The following MSH3 variants were observed in gnomAD, a reference collection of about 807,000 sequenced individuals.
The protein encoded by MSH3 is mutS homolog 3, also known as DNA mismatch repair protein Msh3.
A neutral mutation model predicts 123.3 loss-of-function variants in MSH3; 106 were observed. The observed-to-expected ratio is 0.86, with a 90% CI of 0.73 to 1.01. MSH3 has a LOEUF of 1.01. MSH3 is among the 50% of genes least tolerant of loss of function. MSH3 has a pLI of 0.00. For synonymous variants in MSH3, 515 were observed against 481.4 expected (o/e 1.07, Z -0.91); for missense variants, 1,459 against 1,347.6 (o/e 1.08, Z -1.29).
chr5:80,774,086 T>C (rs1744258998), intron 15 of MSH3, among the ~76,000 whole-genome samples: 1 of 152,044 alleles, frequency 6.6e-6, no homozygotes, highest in Admixed American at 6.6e-5. Flanking sequence ...GTTGCAATAA[T>C]ACAGAAATGC....
In MSH3 at chr5:80,851,777, A is replaced by G. The variant is rs547020270; in HGVS notation, c.2814-2353A>G. ...ATGTTGGAATATGGCTTATATAGGG[A>G]CACATCTTTGTTTTTTCTGAAATAA... is the stretch of plus-strand genomic sequence containing the variant. On this transcript the variant is annotated intron_variant, in intron 20 of 23. Transcript: ENST00000265081. 3.3e-5 allele frequency among the ~76,000 whole-genome samples: 5 copies of G among 152,256 alleles called. No homozygotes were observed. In the East Asian group the frequency reaches 9.6e-4, roughly 29 times the overall value.
At chr5:80,660,324 C>A (rs930753378) in intron 2 of MSH3, among the ~76,000 whole-genome samples, 1 of 151,912 alleles carries the variant, frequency 6.6e-6, no homozygotes, top group Non-Finnish European at 1.5e-5. Flanking sequence ...CCCTGATAAA[C>A]CCATCAGATT....
chr5:80,654,869 G>C lies in MSH3; in HGVS notation c.142G>C (p.Asp48His). The C allele has an allele frequency of 6.2e-7, 1 of 1,600,354 alleles. No individual in the cohort carries two copies. Among genetic ancestry groups the C allele is most frequent in the Non-Finnish European group, 8.5e-7 (1 of 1,175,224 alleles). ...SSSTGAADQVDPGAAAAAAAA... is the reference protein window; with the variant it reads ...SSSTGAADQVHPGAAAAAAAA... ...CTCCACAGGTGCAGCCGACCAGGTGGACCCTGGCGCTGCAGCGGCTGCAGC... is the reference window on the plus strand; with the variant it reads ...CTCCACAGGTGCAGCCGACCAGGTGCACCCTGGCGCTGCAGCGGCTGCAGC... Residue 48 changes from aspartate to histidine, a missense_variant, in exon 1 of 24, where the codon GAC becomes CAC. Coordinates refer to ENST00000265081, the MANE Select transcript of MSH3 (RefSeq NM_002439.5).
chr5:80,752,737 A>G (rs1019142666), intron 12 of MSH3, among the ~76,000 whole-genome samples: 1 of 152,194 alleles, frequency 6.6e-6, no homozygotes, highest in African/African-American at 2.4e-5. Flanking sequence ...AATACCAAAA[A>G]ATTGGAAGCA....
At chr5:80,732,650 A>C (rs963551065) in intron 10 of MSH3, among the ~76,000 whole-genome samples, 1 of 152,164 alleles carries the variant, frequency 6.6e-6, no homozygotes, top group African/African-American at 2.4e-5. Flanking sequence ...TCCTCAATGA[A>C]ATATAAGTAC....
At chr5:80,775,207 G>A (rs2112889738) in intron 15 of MSH3, among the ~76,000 whole-genome samples, 1 of 152,278 alleles carries the variant, frequency 6.6e-6, no homozygotes, top group East Asian at 1.9e-4. Context: ...GTGCTTTCCT[G>A]TGAAGAGACT....
chr5:80,656,397 C>G lies in MSH3; in HGVS notation c.238-14C>G, dbSNP rs1298302303. 2 of 1,613,922 alleles carry G rather than the reference C, an allele frequency of 1.2e-6. No individual in the cohort carries two copies. The highest frequency in any genetic ancestry group is 1.7e-6 in the Non-Finnish European group (2 of 1,179,898). On this transcript the variant is annotated splice_polypyrimidine_tract_variant and intron_variant, in intron 1 of 23. Transcript: ENST00000265081. ...GTAGAGATAACACATCATTTTCTAACCTTCCCGATATAGGCTACAGAAATT... is the reference window on the plus strand; with the variant it reads ...GTAGAGATAACACATCATTTTCTAAGCTTCCCGATATAGGCTACAGAAATT...
chr5:80,797,797 G>A (rs149135878), intron 19 of MSH3, among the ~76,000 whole-genome samples: 2 of 152,304 alleles, frequency 1.3e-5, no homozygotes, highest in African/African-American at 4.8e-5. Flanking sequence ...CCCAGGGACT[G>A]TGGCCGCCCC....
At chr5:80,822,968 T>G (rs1295698232) in intron 20 of MSH3, among the ~76,000 whole-genome samples, 1 of 152,232 alleles carries the variant, frequency 6.6e-6, no homozygotes, top group African/African-American at 2.4e-5. Flanking sequence ...CATTCTCAAT[T>G]TATTCCATCA....
At chr5:80,690,561 G>T (rs1055387323) in intron 8 of MSH3, among the ~76,000 whole-genome samples, 1 of 152,012 alleles carries the variant, frequency 6.6e-6, no homozygotes, top group African/African-American at 2.4e-5. Flanking sequence ...CAAATGATCC[G>T]TCCGCCTTGG....
At chr5:80,859,166 G>C (rs1005583727) in intron 21 of MSH3, among the ~76,000 whole-genome samples, 6 of 151,948 alleles carry the variant, frequency 3.9e-5, no homozygotes, top group Admixed American at 1.3e-4. Flanking sequence ...TGTCACCCAG[G>C]CTGGAGTGCA....
intron 10 of MSH3, among the ~76,000 whole-genome samples, chr5:80,734,462 A>G (rs779060551): frequency 7.9e-5 from 12 of 152,228 alleles, no homozygotes; most frequent in African/African-American, 1.7e-4. Flanking sequence ...AATTATATCA[A>G]TAAAGTTGAT....
chr5:80,690,784 C>T (rs1429021215), intron 8 of MSH3, among the ~76,000 whole-genome samples: 1 of 152,028 alleles, frequency 6.6e-6, no homozygotes, highest in Non-Finnish European at 1.5e-5. Context: ...AGACCTTAAC[C>T]TAAGATCATG....
intron 8 of MSH3, among the ~76,000 whole-genome samples, chr5:80,709,405 G>A (rs1750796560): frequency 6.6e-6 from 1 of 152,138 alleles, no homozygotes; most frequent in Admixed American, 6.5e-5. Context: ...GGCGGATCAC[G>A]AGGTCAGGAG....
chr5:80,818,779 G>A lies in MSH3; in HGVS notation c.2813+5038G>A, dbSNP rs542251862. Among the ~76,000 whole-genome samples, 217 of 152,326 alleles carry A rather than the reference G, an allele frequency of 1.4e-3. 1 individual carries two copies. The highest frequency in any genetic ancestry group is 2.7e-3 in the Non-Finnish European group (182 of 68,020). On this transcript the variant is annotated intron_variant, in intron 20 of 23. Coordinates refer to ENST00000265081, the MANE Select transcript of MSH3 (RefSeq NM_002439.5). ...TAGGGAAATTTGGTAGGATAGAGAT[G>A]AAATGAGATTGGCCATGAATTGATC... is the stretch of plus-strand genomic sequence containing the variant.
chr5:80,759,985 A>G (rs1391970288), intron 12 of MSH3, among the ~76,000 whole-genome samples: 1 of 152,220 alleles, frequency 6.6e-6, no homozygotes, highest in African/African-American at 2.4e-5. Context: ...TGTATTATGA[A>G]AAGGCATGAT....
intron 20 of MSH3, among the ~76,000 whole-genome samples, chr5:80,843,365 C>G (rs1052940119): frequency 1.3e-5 from 2 of 152,076 alleles, no homozygotes; most frequent in Admixed American, 6.5e-5. Context: ...CTAAAATTCT[C>G]TTTTTTTGTT....
intron 20 of MSH3, among the ~76,000 whole-genome samples, chr5:80,836,316 ATCT>A (rs1209500950): frequency 5.9e-5 from 9 of 152,182 alleles, no homozygotes; most frequent in Non-Finnish European, 1.2e-4. Context: ...TGTATTGAAC[ATCT>A]TATGTGCAAG....
At chr5:80,853,601 G>A (rs999364659) in intron 20 of MSH3, among the ~76,000 whole-genome samples, 1 of 152,070 alleles carries the variant, frequency 6.6e-6, no homozygotes, top group Admixed American at 6.5e-5. Flanking sequence ...ATCTACTTTA[G>A]GAACCTGTAT....
Sources: gnomAD v4.1 joint callset for allele counts (sites outside exome capture counted in the v4.1 genomes callset) on GRCh38, gnomAD v4.1.1 for gene constraint, MANE v1.5 for transcripts, NCBI Gene and HGNC (gene_info 2026-07-23, HGNC 2026-07-21) for gene names.